Variants in STK32B observed in about 807,000 individuals in gnomAD.
STK32B encodes the protein serine/threonine kinase 32B.
STK32B carries 43 observed loss-of-function variants against 52.6 expected under a neutral mutation model. The observed-to-expected ratio is 0.82, with a 90% CI of 0.64 to 1.05. The LOEUF (loss-of-function observed/expected upper bound fraction) is 1.05. STK32B is among the 50% of genes least tolerant of loss of function. The pLI is 0.00. For synonymous variants in STK32B, 238 were observed against 204.3 expected (o/e 1.17, Z -1.41); for missense variants, 621 against 534.6 (o/e 1.16, Z -1.59).
At chr4:5,397,778 T>C (rs1366080189) in intron 4 of STK32B, among the ~76,000 whole-genome samples, 1 of 152,236 alleles carries the variant, frequency 6.6e-6, no homozygotes, top group African/African-American at 2.4e-5. Flanking sequence ...TTTGCCCATC[T>C]CTGACCATGA....
chr4:5,370,996 G>GTGTGTGTGTGTGTGTGTA lies in STK32B; in HGVS notation c.435-27210_435-27209insGTGTGTGTGTGTGTGTAT, dbSNP rs570241863. On this transcript the variant is annotated intron_variant, in intron 4 of 11. Transcript: ENST00000282908. ...TAAATATATATATATGTGTGTGTGT[G>GTGTGTGTGTGTGTGTGTA]TATATATATATATATGTATATATAT... Among the ~76,000 whole-genome samples, 5 of 141,122 alleles carry GTGTGTGTGTGTGTGTGTA rather than the reference G, an allele frequency of 3.5e-5. No homozygotes were observed. In the East Asian group the frequency reaches 1.1e-3, roughly 32 times the overall value. The allele number at this position is 141,122 out of a possible 152,430, so 92.6% of individuals were successfully genotyped here. A position where few individuals can be genotyped will look rare whatever the true frequency, so the allele number is the denominator to read the frequency against.
At chr4:5,315,166 A>G (rs988947438) in intron 3 of STK32B, among the ~76,000 whole-genome samples, 1 of 152,210 alleles carries the variant, frequency 6.6e-6, no homozygotes, top group African/African-American at 2.4e-5. Context: ...AGCAAAAGAC[A>G]TGAACAGACA....
intron 2 of STK32B, among the ~76,000 whole-genome samples, chr4:5,141,586 T>C (rs924776109): frequency 6.6e-6 from 1 of 152,162 alleles, no homozygotes; most frequent in Non-Finnish European, 1.5e-5. Context: ...TCACTTTGGC[T>C]ACCATGTGGA....
intron 2 of STK32B, among the ~76,000 whole-genome samples, chr4:5,147,462 TGAG>T (rs1204696467): frequency 1.3e-5 from 2 of 152,078 alleles, no homozygotes; most frequent in South Asian, 2.1e-4. Flanking sequence ...GGTACAATAT[TGAG>T]GAGAAGTGGT....
intron 3 of STK32B, among the ~76,000 whole-genome samples, chr4:5,234,635 C>G (rs1560245668): frequency 6.6e-6 from 1 of 152,212 alleles, no homozygotes. Flanking sequence ...TAAAATGATT[C>G]TTTTCACTCT....
chr4:5,147,831 G>A lies in STK32B; in HGVS notation c.108+7871G>A, dbSNP rs183444094. 3.5e-3 allele frequency among the ~76,000 whole-genome samples: 538 copies of A among 151,980 alleles called. 11 individuals are homozygous for A. The highest frequency in any genetic ancestry group is 0.031 in the Admixed American group (467 of 15,262). On this transcript the variant is annotated intron_variant, in intron 2 of 11. Coordinates refer to ENST00000282908, the MANE Select transcript of STK32B (RefSeq NM_018401.3). ...TTGGATTTGCCAATATCTTATTAGA[G>A]AATTTTACATCACATTCATAAGGAA...
chr4:5,441,862 C>T (rs1226543430), intron 6 of STK32B, among the ~76,000 whole-genome samples: 4 of 134,138 alleles, frequency 3.0e-5, no homozygotes, highest in African/African-American at 8.4e-5. Flanking sequence ...TCGTTATGTA[C>T]CCAGTAGTCA....
chr4:5,454,431 T>G (rs1299301057), intron 7 of STK32B, among the ~76,000 whole-genome samples: 5 of 152,076 alleles, frequency 3.3e-5, no homozygotes, highest in Non-Finnish European at 7.4e-5. Flanking sequence ...CACATCGTCT[T>G]TCCTCTATGT....
At chr4:5,379,345 C>T (rs1266156209) in intron 4 of STK32B, among the ~76,000 whole-genome samples, 1 of 152,130 alleles carries the variant, frequency 6.6e-6, no homozygotes, top group Non-Finnish European at 1.5e-5. Flanking sequence ...TCTGTGCTGA[C>T]TGCGTGCTCC....
At chr4:5,202,586 C>T (rs1051685745) in intron 3 of STK32B, among the ~76,000 whole-genome samples, 2 of 152,240 alleles carry the variant, frequency 1.3e-5, no homozygotes, top group Non-Finnish European at 1.5e-5. Flanking sequence ...ATGAGGGCTC[C>T]ACCACTGCAG....
intron 1 of STK32B, among the ~76,000 whole-genome samples, chr4:5,101,368 A>T (rs1713779857): frequency 6.6e-6 from 1 of 152,138 alleles, no homozygotes; most frequent in Non-Finnish European, 1.5e-5. Context: ...GAGAGAGGGG[A>T]GGGAGAAAAG....
At chr4:5,267,531 A>T (rs1278457128) in intron 3 of STK32B, among the ~76,000 whole-genome samples, 5 of 152,158 alleles carry the variant, frequency 3.3e-5, no homozygotes, top group African/African-American at 1.2e-4. Context: ...GAGCATTCTC[A>T]CATCTCAGGA....
intron 3 of STK32B, among the ~76,000 whole-genome samples, chr4:5,188,120 A>G (rs73797120): frequency 0.015 from 2,263 of 152,290 alleles, 54 homozygotes; most frequent in African/African-American, 0.052. Context: ...AGCATACATT[A>G]TTATTCTTCC....
intron 1 of STK32B, among the ~76,000 whole-genome samples, chr4:5,071,234 C>T (rs1355019380): frequency 6.6e-6 from 1 of 152,034 alleles, no homozygotes; most frequent in Admixed American, 6.6e-5. Context: ...AATTGGTCGC[C>T]AGGAAAACAT....
At chr4:5,362,601 A>C (rs527496624) in intron 4 of STK32B, among the ~76,000 whole-genome samples, 1 of 152,354 alleles carries the variant, frequency 6.6e-6, no homozygotes, top group East Asian at 1.9e-4. Context: ...AGGTCCCTGC[A>C]GTGGAAACTA....
chr4:5,378,248 A>G lies in STK32B; in HGVS notation c.435-19959A>G, dbSNP rs551181849. Among the ~76,000 whole-genome samples the G allele has an allele frequency of 2.2e-4, 33 of 152,266 alleles. No homozygotes were observed. Among genetic ancestry groups the G allele is most frequent in the African/African-American group, 7.2e-4 (30 of 41,556 alleles). ...ACAGACGTTAGAGGGGAGGGAAGAC[A>G]GGCAAGGAGGGAACTGATGAGCGGG... On this transcript the variant is annotated intron_variant, in intron 4 of 11. Transcript: ENST00000282908. The surrounding 1 kb of genome is among the most constrained non-coding windows in gnomAD (Gnocchi z 4.4).
intron 2 of STK32B, among the ~76,000 whole-genome samples, chr4:5,153,905 A>G (rs989979701): frequency 2.0e-5 from 3 of 152,208 alleles, no homozygotes; most frequent in African/African-American, 7.2e-5. Context: ...TTAAGATGGC[A>G]ATTCTCTGCA....
intron 11 of STK32B, among the ~76,000 whole-genome samples, chr4:5,485,827 T>A (rs1313529100): frequency 1.3e-5 from 2 of 152,218 alleles, no homozygotes; most frequent in African/African-American, 4.8e-5. Context: ...CAGCTGCAGG[T>A]CTGTTGGAGT....
chr4:5,093,450 A>G (rs370903156), intron 1 of STK32B, among the ~76,000 whole-genome samples: 45 of 152,220 alleles, frequency 3.0e-4, no homozygotes, highest in African/African-American at 1.0e-3. Context: ...ACTCTCAGCA[A>G]CTATCGCAAG....
Sources: gnomAD v4.1 joint callset for allele counts (sites outside exome capture counted in the v4.1 genomes callset) on GRCh38, gnomAD v4.1.1 for gene constraint, Gnocchi (gnomAD v3.1) non-coding constraint, MANE v1.5 for transcripts, NCBI Gene and HGNC (gene_info 2026-07-23, HGNC 2026-07-21) for gene names.